SLC38A10: variants seen among roughly 807,000 people sequenced by gnomAD.
SLC38A10 encodes Sodium-coupled neutral amino acid transporter 10.
Under a neutral mutation model 81.0 loss-of-function variants are expected in SLC38A10, and 53 were observed. The observed-to-expected ratio is 0.65, with a 90% confidence interval of 0.53 to 0.82. The LOEUF is 0.82. Among genes scored for constraint, SLC38A10 ranks in the 40% least tolerant of loss-of-function variants. SLC38A10 has a pLI of 0.00. For missense variants in SLC38A10, 1,471 were observed against 1,545.0 expected, an observed-to-expected ratio of 0.95 and a Z score of 0.80; for synonymous variants, 665 against 655.3, an observed-to-expected ratio of 1.01 and a Z score of -0.23.
chr17:81,293,931 A>G (rs2063329025), intron 1 of SLC38A10, among the ~76,000 whole-genome samples: 1 of 152,232 alleles, frequency 6.6e-6, no homozygotes, highest in Admixed American at 6.5e-5. Context: ...GTGTTATTCA[A>G]TGCTGGAATG....
At position 81,252,627 on chromosome 17, in the gene SLC38A10, TGTC is replaced by T; in HGVS notation, c.1510_1512del (p.Asp504del). The T allele has an allele frequency of 6.2e-7, 1 of 1,612,498 alleles. No individual in the cohort carries two copies. The highest frequency in any genetic ancestry group is 8.5e-7 in the Non-Finnish European group (1 of 1,179,976). The stretch of plus-strand genomic sequence containing the variant: ...TCTTGGCCTTCATCTACCACCACCT[TGTC>T]GTGAGGAACAGGAGGCTCGTGGCGG... On this transcript the variant is annotated inframe_deletion, in exon 13 of 16. Coordinates refer to ENST00000374759, the MANE Select transcript of SLC38A10 (RefSeq NM_001037984.3).
intron 1 of SLC38A10, among the ~76,000 whole-genome samples, chr17:81,292,445 C>T (rs2063318803): frequency 1.3e-5 from 2 of 150,798 alleles, no homozygotes; most frequent in South Asian, 4.2e-4. Context: ...ATAAATATAT[C>T]AAAACTACTA....
chr17:81,267,163 T>C (rs1009103212), intron 10 of SLC38A10, among the ~76,000 whole-genome samples: 3 of 152,182 alleles, frequency 2.0e-5, no homozygotes, highest in Non-Finnish European at 4.4e-5. Context: ...CATATAAGAA[T>C]TTAATCTACA....
In SLC38A10 at chr17:81,270,974, AGCAGATGAG is replaced by A; in HGVS notation, c.1066_1074del (p.Leu356_Cys358del). On this transcript the variant is annotated inframe_deletion, in exon 10 of 16. Transcript: ENST00000374759. The surrounding 1 kb of genome is among the most constrained non-coding windows in gnomAD (Gnocchi z 4.0). ...TTGTAGATCAGCGCCGGGCAGATGA[AGCAGATGAG>A]GCTTCCCATGGTCGCTCCTGTGAGG... 6.2e-7 allele frequency: 1 copy of A among 1,613,828 alleles called. No homozygotes were observed. The highest frequency in any genetic ancestry group is 1.6e-4 in the Middle Eastern group (1 of 6,062).
chr17:81,254,452 T>A (rs948051358), intron 11 of SLC38A10, among the ~76,000 whole-genome samples: 3 of 152,100 alleles, frequency 2.0e-5, no homozygotes, highest in African/African-American at 7.2e-5. Context: ...AAGTAACAAA[T>A]TCAACTTTTT....
At chr17:81,280,754 G>C (rs749263147) in intron 5 of SLC38A10, 21 bp from the exon 6 acceptor site, 11 of 1,605,224 alleles carry the variant, frequency 6.9e-6, no homozygotes, top group Admixed American at 3.4e-5. Context: ...AGAGGGGAGA[G>C]AGCACGGGGC....
In SLC38A10 at chr17:81,258,474, C is replaced by T. The variant is rs541494142; in HGVS notation, c.1288+1764G>A. On this transcript the variant is annotated intron_variant, in intron 11 of 15. Transcript: ENST00000374759. ...CCCACGGCCCGCACAAGCCTCATGA[C>T]GGGATACAGCTGCTTGCACCGGCCG... Among the ~76,000 whole-genome samples, 68 of 152,290 alleles carry T rather than the reference C, an allele frequency of 4.5e-4. 1 individual carries two copies. Among genetic ancestry groups the T allele is most frequent in the African/African-American group, 1.2e-3 (51 of 41,564 alleles).
Position 81,294,679 on chromosome 17 carries a change from AC to A in SLC38A10, c.99+143del, listed in dbSNP as rs2063334283. ...GATTCTCTACGGGAACTGCGCCGGG[AC>A]CCAGAGGGTCGCCCCGCCCGCGGCC... On this transcript the variant is annotated intron_variant, in intron 1 of 15. Transcript: ENST00000374759. 1.3e-5 allele frequency: 8 copies of A among 602,754 alleles called. No homozygotes were observed. In the South Asian group the frequency reaches 2.0e-4, roughly 15 times the overall value. 37.3% of individuals were successfully genotyped at this position (602,754 alleles called of 1,614,324 possible). A position where few individuals can be genotyped will look rare whatever the true frequency, so the allele number is the denominator to read the frequency against.
Position 81,251,581 on chromosome 17 carries a change from C to T in SLC38A10, c.1977G>A (p.Pro659=), listed in dbSNP as rs773645414. Residue 659 remains proline (P), a synonymous_variant, in exon 14 of 16, where the codon CCG becomes CCA. Coordinates refer to ENST00000374759, the MANE Select transcript of SLC38A10 (RefSeq NM_001037984.3). ...CGGGCGGCAGCCCAGGCCCTGGAGC[C>T]GGCTTCTCCGCTGGGAGGGGAGGCT... ...GGKPPLPAEK[P]APGPGLPPEP... is the part of the protein sequence containing the mutation. 1.7e-5 allele frequency: 25 copies of T among 1,493,878 alleles called. No individual in the cohort carries two copies. Among genetic ancestry groups the T allele is most frequent in the African/African-American group, 7.0e-5 (5 of 71,374 alleles). 92.5% of individuals were successfully genotyped at this position (1,493,878 alleles called of 1,614,324 possible).
intron 3 of SLC38A10, 39 bp downstream of exon 3, chr17:81,284,811 G>A (rs987065201): frequency 1.9e-5 from 28 of 1,484,150 alleles, no homozygotes; most frequent in African/African-American, 4.3e-5. Flanking sequence ...GTCTGGGTGC[G>A]GGGGTGGGGG....
chr17:81,281,158 G>T lies in SLC38A10; in HGVS notation c.502-425C>A, dbSNP rs1696763893. ...AAGACTGGCCCACCAGGACGCGGCT[G>T]TCTCAAGAGTAAAGAGGTAGCTGCC... On this transcript the variant is annotated intron_variant, in intron 5 of 15. Transcript: ENST00000374759. The surrounding 1 kb of genome is among the most constrained non-coding windows in gnomAD (Gnocchi z 5.3). Among the ~76,000 whole-genome samples, 5 of 152,246 alleles carry T rather than the reference G, an allele frequency of 3.3e-5. No individual in the cohort carries two copies. Among genetic ancestry groups the T allele is most frequent in the Admixed American group, 1.3e-4 (2 of 15,288 alleles).
rs765141868 is a variant in SLC38A10, at chr17:81,245,961, C to T, written c.2955G>A (p.Met985Ile). ...CATGGTCCCCCCCGCGGGCCTTTCT[C>T]ATCTCCAGGTGACCGCCATGGTCCA... ...HRLDHGGHLE[M>I]RKARGGDHVP... The change falls in exon 16 of 16, where the codon ATG (methionine) becomes ATA (isoleucine). Residue 985 changes from methionine (M) to isoleucine (I), a missense_variant. Around this residue, in one of 2 missense-constraint regions of SLC38A10, gnomAD observed 751 missense variants for 717.4 expected, o/e 1.05. Coordinates refer to ENST00000374759, the MANE Select transcript of SLC38A10 (RefSeq NM_001037984.3). 4.4e-6 allele frequency: 7 copies of T among 1,603,866 alleles called. No individual in the cohort carries two copies. The highest frequency in any genetic ancestry group is 3.3e-5 in the South Asian group (3 of 90,372).
At chr17:81,272,168 G>A (rs978767213) in intron 9 of SLC38A10, among the ~76,000 whole-genome samples, 10 of 151,684 alleles carry the variant, frequency 6.6e-5, no homozygotes, top group Non-Finnish European at 1.2e-4. Context: ...AAGTAGCTAG[G>A]ATTACAGGCA....
At position 81,253,385 on chromosome 17, in the gene SLC38A10, A is replaced by G. The variant is rs2062938441; in HGVS notation, c.1289-145T>C. On this transcript the variant is annotated intron_variant, in intron 11 of 15. Coordinates refer to ENST00000374759, the MANE Select transcript of SLC38A10 (RefSeq NM_001037984.3). This position sits in a 1 kb window ranked among gnomAD's most constrained non-coding sequence, Gnocchi z 4.1. ...CCTGTTCGATCATTAGCAGCTAAGT[A>G]GCACAGAAAACTGTCATTTTTCATG... The G allele has an allele frequency of 2.0e-6, 2 of 1,006,538 alleles. No homozygotes were observed. The highest frequency in any genetic ancestry group is 1.4e-6 in the Non-Finnish European group (1 of 707,060). The allele number at this position is 1,006,538 out of a possible 1,614,324, so 62.4% of individuals were successfully genotyped here.
chr17:81,280,523 G>A (rs2063200886), intron 6 of SLC38A10, 86 bp downstream of exon 6: 2 of 1,564,828 alleles, frequency 1.3e-6, no homozygotes, highest in East Asian at 2.3e-5. Context: ...AGCGATCACA[G>A]TAAACGAGAA....
chr17:81,250,066 G>A (rs1324651442), intron 14 of SLC38A10: 18 of 1,288,692 alleles, frequency 1.4e-5, no homozygotes, highest in Admixed American at 4.6e-5. Flanking sequence ...CTTTGGGTTC[G>A]TACCTGCTAC....
At position 81,272,703 on chromosome 17, in the gene SLC38A10, G is replaced by A. The variant is rs1251046903; in HGVS notation, c.913-76C>T. On this transcript the variant is annotated intron_variant, in intron 8 of 15. Coordinates refer to ENST00000374759, the MANE Select transcript of SLC38A10 (RefSeq NM_001037984.3). The stretch of plus-strand genomic sequence containing the variant: ...CTCTCCTAGAAAGCAAAGCCTGAAA[G>A]GGCTCTGCCAGGCACACCAGGCACA... 7 of 1,114,792 alleles carry A rather than the reference G, an allele frequency of 6.3e-6. No individual in the cohort carries two copies. In the African/African-American group the frequency reaches 1.1e-4, roughly 18 times the overall value. The allele number at this position is 1,114,792 out of a possible 1,614,324, so 69.1% of individuals were successfully genotyped here. A position where few individuals can be genotyped will look rare whatever the true frequency, so the allele number is the denominator to read the frequency against.
intron 14 of SLC38A10, among the ~76,000 whole-genome samples, chr17:81,249,364 AG>A (rs1272803395): frequency 2.6e-4 from 20 of 76,994 alleles, no homozygotes; most frequent in Non-Finnish European, 3.6e-4. Flanking sequence ...GAGGAGGAGG[AG>A]GGAGGGAAGA....
At position 81,246,664 on chromosome 17, in the gene SLC38A10, T is replaced by G; in HGVS notation, c.2252A>C (p.His751Pro). Residue 751 changes from histidine to proline, a missense_variant, in exon 16 of 16, where the codon CAT becomes CCT. His to Pro is a moderately conservative substitution (Grantham distance 77). Coordinates refer to ENST00000374759, the MANE Select transcript of SLC38A10 (RefSeq NM_001037984.3). ...GGGCACCGCTGCCCCGGGCTCTTGATGCACCTCCACTGCAAATGAAGTCGG... is the reference window on the plus strand; with the variant it reads ...GGGCACCGCTGCCCCGGGCTCTTGAGGCACCTCCACTGCAAATGAAGTCGG... ...EEDKPRQVEV[H>P]QEPGAAVPRG... 1 of 1,507,334 alleles carries G rather than the reference T, an allele frequency of 6.6e-7. No homozygotes were observed. The highest frequency in any genetic ancestry group is 2.3e-5 in the Admixed American group (1 of 43,048). 93.4% of individuals were successfully genotyped at this position (1,507,334 alleles called of 1,614,324 possible). A position where few individuals can be genotyped will look rare whatever the true frequency, so the allele number is the denominator to read the frequency against.
Sources: allele counts gnomAD v4.1 joint callset (sites outside exome capture counted in the v4.1 genomes callset), GRCh38; gene constraint gnomAD v4.1.1; regional missense constraint gnomAD v4.1.1; non-coding constraint Gnocchi (gnomAD v3.1); transcripts MANE v1.5; gene names NCBI Gene and HGNC (gene_info 2026-07-23, HGNC 2026-07-21).